The following SDK1 variants were observed in gnomAD, a reference collection of about 807,000 sequenced individuals.
The protein encoded by SDK1 is sidekick cell adhesion molecule 1.
In SDK1, 157 loss-of-function variants were observed where a neutral mutation model predicts 245.5. That is an observed-to-expected ratio of 0.64 (90% CI 0.56 to 0.73). The LOEUF (loss-of-function observed/expected upper bound fraction) is 0.73. Among genes scored for constraint, SDK1 ranks in the 30% least tolerant of loss-of-function variants. The probability of loss-of-function intolerance (pLI) is 0.00; values close to 1 mark genes in which losing one functional copy is unlikely to be tolerated. For synonymous variants in SDK1, 1,647 were observed against 1,278.5 expected (o/e 1.29, Z -6.15); for missense variants, 3,583 against 3,002.3 (o/e 1.19, Z -4.52).
At chr7:3,631,292 G>T (rs796290845) in intron 2 of SDK1, among the ~76,000 whole-genome samples, 65 of 152,216 alleles carry the variant, frequency 4.3e-4, no homozygotes, top group African/African-American at 1.5e-3. Flanking sequence ...TACTCACCAA[G>T]AAGAAAGTCT....
At chr7:3,731,925 G>A (rs2115041706) in intron 4 of SDK1, among the ~76,000 whole-genome samples, 1 of 152,226 alleles carries the variant, frequency 6.6e-6, no homozygotes. Context: ...CTGAGTAGCT[G>A]GGACTACAGG....
intron 1 of SDK1, among the ~76,000 whole-genome samples, chr7:3,389,729 C>T (rs984341119): frequency 6.9e-6 from 1 of 145,442 alleles, no homozygotes; most frequent in Non-Finnish European, 1.5e-5. Context: ...CGTGCCACTG[C>T]ACTCCACAGC....
intron 1 of SDK1, among the ~76,000 whole-genome samples, chr7:3,538,910 G>A (rs552499606): frequency 6.6e-6 from 1 of 152,220 alleles, no homozygotes; most frequent in Non-Finnish European, 1.5e-5. Context: ...ACACAAAGAG[G>A]CAGACGGAAT....
intron 1 of SDK1, among the ~76,000 whole-genome samples, chr7:3,366,727 ATTATTGTTT>A (rs1280353181): frequency 1.3e-5 from 2 of 151,884 alleles, no homozygotes; most frequent in Non-Finnish European, 2.9e-5. Flanking sequence ...ATTTTTGATA[ATTATTGTTT>A]TTATTTTATT....
At position 4,243,708 on chromosome 7, in the gene SDK1, G is replaced by A. The variant is rs149800683; in HGVS notation, c.6251+1795G>A. ...GTACCTCCCACCAGGTCCCTCCCACGTCACATGGGAATGATGGGAGCCACA... is the reference window on the plus strand; with the variant it reads ...GTACCTCCCACCAGGTCCCTCCCACATCACATGGGAATGATGGGAGCCACA... On this transcript the variant is annotated intron_variant, in intron 43 of 44. Coordinates refer to ENST00000404826, the MANE Select transcript of SDK1 (RefSeq NM_152744.4). Among the ~76,000 whole-genome samples, 54 of 152,196 alleles carry A rather than the reference G, an allele frequency of 3.5e-4. No homozygotes were observed. In the East Asian group the frequency reaches 7.4e-3, roughly 21 times the overall value.
At chr7:3,550,479 G>C (rs1779366520) in intron 1 of SDK1, among the ~76,000 whole-genome samples, 1 of 152,166 alleles carries the variant, frequency 6.6e-6, no homozygotes, top group Non-Finnish European at 1.5e-5. Flanking sequence ...TTTACCTTCA[G>C]CTCTTCTGGG....
At chr7:3,597,165 A>G (rs1177565498) in intron 1 of SDK1, among the ~76,000 whole-genome samples, 5 of 151,238 alleles carry the variant, frequency 3.3e-5, no homozygotes, top group South Asian at 2.1e-4. Context: ...CCAGCTACTC[A>G]GGAGGCCGAG....
intron 3 of SDK1, 48 bp downstream of exon 3, chr7:3,639,158 G>A (rs772416574): frequency 4.3e-5 from 45 of 1,042,476 alleles, no homozygotes; most frequent in Non-Finnish European, 5.4e-5. Context: ...ACAAAGTGTC[G>A]CTGGGGAGTC....
intron 1 of SDK1, among the ~76,000 whole-genome samples, chr7:3,467,966 ATTG>A (rs1378248864): frequency 9.1e-6 from 1 of 109,416 alleles, no homozygotes; most frequent in South Asian, 4.2e-4. Flanking sequence ...TGATGTAATC[ATTG>A]TTGTCATGTT....
At chr7:3,824,437 A>G (rs1194079875) in intron 5 of SDK1, among the ~76,000 whole-genome samples, 1 of 152,164 alleles carries the variant, frequency 6.6e-6, no homozygotes, top group Non-Finnish European at 1.5e-5. Flanking sequence ...CACCATCGGG[A>G]TGATCGGGTA....
chr7:4,040,275 G>C (rs1788525413), intron 17 of SDK1, among the ~76,000 whole-genome samples: 1 of 152,126 alleles, frequency 6.6e-6, no homozygotes. Context: ...CTGCTCCTCT[G>C]CCTGAGCACT....
At position 4,268,646 on chromosome 7, in the gene SDK1, G is replaced by A; in HGVS notation, c.*3262G>A. ...TGTTTGCCTAATGGTTCGTAGCATG[G>A]TTTTTATTTCTTACGCATTCTTGGC... On this transcript the variant is annotated 3_prime_UTR_variant, in exon 45 of 45. Transcript: ENST00000404826. 7.3e-7 allele frequency: 1 copy of A among 1,367,798 alleles called. No individual in the cohort carries two copies. The allele number at this position is 1,367,798 out of a possible 1,614,324, so 84.7% of individuals were successfully genotyped here.
Position 4,268,431 on chromosome 7 carries a change from C to T in SDK1, c.*3047C>T, listed in dbSNP as rs1201746757. 25 of 1,110,082 alleles carry T rather than the reference C, an allele frequency of 2.3e-5. No homozygotes were observed. The highest frequency in any genetic ancestry group is 2.8e-5 in the Non-Finnish European group (25 of 898,320). 68.8% of individuals were successfully genotyped at this position (1,110,082 alleles called of 1,614,324 possible). On this transcript the variant is annotated 3_prime_UTR_variant, in exon 45 of 45. Coordinates refer to ENST00000404826, the MANE Select transcript of SDK1 (RefSeq NM_152744.4). ...CCCCTCTCCCCAGCCTCGCCTTCAG[C>T]CTCTCTCCCAGCCTGCTTTTATAAG...
chr7:3,915,260 C>A (rs546507429), intron 5 of SDK1, among the ~76,000 whole-genome samples: 42 of 152,234 alleles, frequency 2.8e-4, no homozygotes, highest in African/African-American at 9.6e-4. Flanking sequence ...GGCTAAAGGC[C>A]CTTGTTGGAG....
chr7:4,013,470 C>G (rs1399133252), intron 16 of SDK1, among the ~76,000 whole-genome samples: 1 of 152,182 alleles, frequency 6.6e-6, no homozygotes, highest in African/African-American at 2.4e-5. Flanking sequence ...AGTGTGTGAT[C>G]AGTAAACAGT....
Position 3,411,875 on chromosome 7 carries a change from T to C in SDK1, c.298+109991T>C, listed in dbSNP as rs1258932498. ...GTTCACTAGGTATGAACCCATTGCC[T>C]AGAAATCTGAAGAAGGGTATATTGC... On this transcript the variant is annotated intron_variant, in intron 1 of 44. Transcript: ENST00000404826. Among the ~76,000 whole-genome samples, 10 of 152,184 alleles carry C rather than the reference T, an allele frequency of 6.6e-5. No individual in the cohort carries two copies. In the South Asian group the frequency reaches 2.1e-3, roughly 31 times the overall value.
chr7:3,487,255 C>T (rs1781728794), intron 1 of SDK1, among the ~76,000 whole-genome samples: 2 of 152,104 alleles, frequency 1.3e-5, no homozygotes, highest in Admixed American at 1.3e-4. Flanking sequence ...GTCTGTTAAC[C>T]TTTTGGGTAG....
intron 1 of SDK1, among the ~76,000 whole-genome samples, chr7:3,597,762 GTTTTTGACT>G (rs945380091): frequency 6.6e-6 from 1 of 152,120 alleles, no homozygotes; most frequent in Non-Finnish European, 1.5e-5. Flanking sequence ...AGACAGTTTT[GTTTTTGACT>G]TTTTTCACCC....
intron 1 of SDK1, among the ~76,000 whole-genome samples, chr7:3,487,106 C>G (rs1461664965): frequency 6.6e-6 from 1 of 152,224 alleles, no homozygotes; most frequent in African/African-American, 2.4e-5. Context: ...AAGTGCAGCT[C>G]TGTTCCAATA....
Sources: gnomAD v4.1 joint callset for allele counts (sites outside exome capture counted in the v4.1 genomes callset) on GRCh38, gnomAD v4.1.1 for gene constraint, MANE v1.5 for transcripts, NCBI Gene and HGNC (gene_info 2026-07-23, HGNC 2026-07-21) for gene names.